Variants in PPFIA4 observed in about 807,000 individuals in gnomAD.
The protein encoded by PPFIA4 is liprin-alpha-4.
In PPFIA4, 98 loss-of-function variants were observed where a neutral mutation model predicts 145.7. The ratio of observed to expected loss-of-function variants is 0.67; its 90% CI spans 0.57 to 0.80. The LOEUF is 0.80. PPFIA4 is among the 30% of genes least tolerant of loss of function. The pLI, the probability that PPFIA4 is intolerant of heterozygous loss-of-function variation, is 0.00. For synonymous variants in PPFIA4, 628 were observed against 649.6 expected, an observed-to-expected ratio of 0.97 and a Z score of 0.51; for missense variants, 1,457 against 1,632.7, an observed-to-expected ratio of 0.89 and a Z score of 1.85.
At chr1:203,046,478 G>C (rs1660097523) in intron 9 of PPFIA4, 96 bp downstream of exon 9, 1 of 1,412,164 alleles carries the variant, frequency 7.1e-7, no homozygotes, top group African/African-American at 1.4e-5. Flanking sequence ...AGGCGCACTG[G>C]GCCAGGAGCC....
chr1:203,035,350 G>C (rs1022016290), intron 1 of PPFIA4: 4 of 455,788 alleles, frequency 8.8e-6, no homozygotes, highest in African/African-American at 6.0e-5. Flanking sequence ...AGGCCTGTGT[G>C]TGGGGCCAGC....
intron 2 of PPFIA4, among the ~76,000 whole-genome samples, chr1:203,039,909 G>T (rs867261785): frequency 6.6e-6 from 1 of 152,214 alleles, no homozygotes; most frequent in East Asian, 1.9e-4. Flanking sequence ...TAAGTTGCTC[G>T]TGGCCATGCA....
intron 14 of PPFIA4, among the ~76,000 whole-genome samples, 173 bp downstream of exon 14, chr1:203,052,050 C>CCCCG (rs1553257074): frequency 2.9e-5 from 4 of 138,512 alleles, no homozygotes; most frequent in Admixed American, 1.4e-4. Flanking sequence ...GCTGTGCCCC[C>CCCCG]CCCCCCGCTT....
At chr1:203,063,755 C>T in intron 24 of PPFIA4, 73 bp from the exon 25 acceptor site, 6 of 1,512,156 alleles carry the variant, frequency 4.0e-6, no homozygotes, top group Non-Finnish European at 5.5e-6. Flanking sequence ...GTCTCCCGAC[C>T]AGCTATACCA....
chr1:203,045,389 G>T lies in PPFIA4; in HGVS notation c.688G>T (p.Glu230Ter), dbSNP rs780105335. The T allele has an allele frequency of 1.2e-6, 2 of 1,604,742 alleles. No homozygotes were observed. The highest frequency in any genetic ancestry group is 4.5e-5 in the East Asian group (2 of 44,640). ...GGAGGAGGATACGGGCCGGGTAGAG[G>T]AGCTGCAGGAGCTCCTGGAGAAGCA... ...LWKEDTGRVE[E>*]LQELLEKQNF... is the part of the protein sequence containing the mutation. Residue 230 changes from glutamate to a stop codon, truncating the protein, a stop_gained, in exon 7 of 30, where the codon GAG becomes TAG. Coordinates refer to ENST00000295706, the MANE Select transcript of PPFIA4 (RefSeq NM_001304331.2). LOFTEE classifies it high-confidence loss of function.
chr1:203,031,972 C>G (rs767150025), intron 1 of PPFIA4, among the ~76,000 whole-genome samples: 2 of 151,544 alleles, frequency 1.3e-5, no homozygotes, highest in South Asian at 2.1e-4. Flanking sequence ...ATGGTTGGCT[C>G]CTGGTGTTAC....
At position 203,028,640 on chromosome 1, in the gene PPFIA4, G is replaced by GGT. The variant is rs147806649; in HGVS notation, c.-400+2025_-400+2026dup. Among the ~76,000 whole-genome samples, 15 of 151,612 alleles carry GGT rather than the reference G, an allele frequency of 9.9e-5. No individual in the cohort carries two copies. The South Asian group carries it at 1.0e-3, about 11-fold the overall frequency. ...AAGGTGTGGCAATTGAGTGGTATGGGGTGTGTGTGTGTGTGCACACGCGTG... is the reference window on the plus strand; with the variant it reads ...AAGGTGTGGCAATTGAGTGGTATGGGGTGTGTGTGTGTGTGTGCACACGCGTG... On this transcript the variant is annotated intron_variant, in intron 1 of 29. Transcript: ENST00000295706.
intron 24 of PPFIA4, among the ~76,000 whole-genome samples, chr1:203,062,248 C>A (rs375399786): frequency 6.6e-6 from 1 of 151,290 alleles, no homozygotes; most frequent in African/African-American, 2.4e-5. Context: ...GAGGCCGAGG[C>A]GGGCGGATCA....
At chr1:203,061,120 A>G in intron 23 of PPFIA4, 88 bp downstream of exon 23, 1 of 1,250,580 alleles carries the variant, frequency 8.0e-7, no homozygotes. Context: ...GGGCAGTCAG[A>G]GTGGGCTGCC....
chr1:203,045,581 C>T (rs780346025), intron 7 of PPFIA4, 22 bp downstream of exon 7: 1 of 1,543,824 alleles, frequency 6.5e-7, no homozygotes, highest in African/African-American at 1.4e-5. Flanking sequence ...CGCAGGCCTG[C>T]TCTGTGACCT....
chr1:203,056,871 G>T lies in PPFIA4; in HGVS notation c.2328G>T (p.Lys776Asn). ...AGGGCGCCAAGCGCAAGGGCATCAAGTCGTCCATTGGCCGCCTGTTTGGGA... is the reference window on the plus strand; with the variant it reads ...AGGGCGCCAAGCGCAAGGGCATCAATTCGTCCATTGGCCGCCTGTTTGGGA... Reference protein sequence around the residue: ...LHKGAKRKGIKSSIGRLFGKK... With the variant: ...LHKGAKRKGINSSIGRLFGKK... The change falls in exon 19 of 30, where the codon AAG becomes AAT. Residue 776 changes from lysine to asparagine, a missense_variant. Lys to Asn is a moderately conservative substitution (Grantham distance 94). Coordinates refer to ENST00000295706, the MANE Select transcript of PPFIA4 (RefSeq NM_001304331.2). The T allele has an allele frequency of 6.2e-7, 1 of 1,614,100 alleles. No homozygotes were observed. Among genetic ancestry groups the T allele is most frequent in the Non-Finnish European group, 8.5e-7 (1 of 1,179,904 alleles).
Position 203,039,175 on chromosome 1 carries a change from G to A in PPFIA4, c.167G>A (p.Ser56Asn), listed in dbSNP as rs1331086648. 1 of 1,607,450 alleles carries A rather than the reference G, an allele frequency of 6.2e-7. No individual in the cohort carries two copies. Among genetic ancestry groups the A allele is most frequent in the East Asian group, 2.2e-5 (1 of 44,654 alleles). ...CAGGAGACCTTGGCGGCCACACAGA[G>A]CCGGCTCCAGGATGCCATACACGAG... ...ESQETLAATQ[S>N]RLQDAIHERD... is the part of the protein sequence containing the mutation. Residue 56 changes from serine to asparagine, a missense_variant, in exon 2 of 30, where the codon AGC becomes AAC. Around this residue, in one of 3 missense-constraint regions of PPFIA4, gnomAD observed 463 missense variants for 459.8 expected, o/e 1.01. Coordinates refer to ENST00000295706, the MANE Select transcript of PPFIA4 (RefSeq NM_001304331.2).
rs1240385523 is a variant in PPFIA4 at position 203,038,888 on chromosome 1, A to G, written c.-121A>G. The G allele has an allele frequency of 3.2e-6, 2 of 617,064 alleles. No individual in the cohort carries two copies. Among genetic ancestry groups the G allele is most frequent in the Non-Finnish European group, 5.8e-6 (2 of 346,182 alleles). The allele number at this position is 617,064 out of a possible 1,614,324, so 38.2% of individuals were successfully genotyped here. A position where few individuals can be genotyped will look rare whatever the true frequency, so the allele number is the denominator to read the frequency against. ...GATGCTATGGGAGAAGCCCCTGCCC[A>G]CCTGTCCACTCGCCTGGCACTGCCC... On this transcript the variant is annotated 5_prime_UTR_variant, in exon 2 of 30. Transcript: ENST00000295706.
In PPFIA4 at chr1:203,038,762, C is replaced by A. The variant is rs930635735; in HGVS notation, c.-247C>A. The A allele has an allele frequency of 2.8e-5, 10 of 358,912 alleles. No homozygotes were observed. Among genetic ancestry groups the A allele is most frequent in the Non-Finnish European group, 5.1e-5 (10 of 197,700 alleles). The allele number at this position is 358,912 out of a possible 1,614,324, so 22.2% of individuals were successfully genotyped here. A position where few individuals can be genotyped will look rare whatever the true frequency, so the allele number is the denominator to read the frequency against. ...GCTGCTGTCTGCATGTCTGGGGACA[C>A]AGGGCACCCAGCCCCAGCCCTGAGA... is the stretch of plus-strand genomic sequence containing the variant. On this transcript the variant is annotated 5_prime_UTR_variant, in exon 2 of 30. Transcript: ENST00000295706.
intron 1 of PPFIA4, among the ~76,000 whole-genome samples, chr1:203,037,876 A>C (rs1659406821): frequency 6.6e-6 from 1 of 152,188 alleles, no homozygotes; most frequent in South Asian, 2.1e-4. Context: ...GCTCTGATGC[A>C]AAGGTAGGAG....
chr1:203,041,970 A>G (rs1330318177), intron 2 of PPFIA4, among the ~76,000 whole-genome samples: 1 of 152,200 alleles, frequency 6.6e-6, no homozygotes, highest in Non-Finnish European at 1.5e-5. Flanking sequence ...TAATAATGTC[A>G]GAGGTTCATG....
intron 1 of PPFIA4, chr1:203,035,132 C>A (rs1399230312): frequency 2.8e-6 from 1 of 359,462 alleles, no homozygotes; most frequent in African/African-American, 2.1e-5. Context: ...TTCAGATCCT[C>A]CTCTCACCTC....
Position 203,075,715 on chromosome 1 carries a change from C to A in PPFIA4, c.3532C>A (p.Leu1178Met). The change falls in exon 29 of 30, where the codon CTG becomes ATG. Residue 1178 changes from leucine to methionine, a missense_variant. Coordinates refer to ENST00000295706, the MANE Select transcript of PPFIA4 (RefSeq NM_001304331.2). The surrounding 1 kb of genome is among the most constrained non-coding windows in gnomAD (Gnocchi z 4.1). ...CTTCCGTGTGTCCACCCTGGGGACC[C>A]TGCAGCCCCCACCGGCCCCGCCAAA... ...AGFRVSTLGT[L>M]QPPPAPPKKI... 1.4e-6 allele frequency: 2 copies of A among 1,411,026 alleles called. No homozygotes were observed. Among genetic ancestry groups the A allele is most frequent in the South Asian group, 1.6e-5 (1 of 63,780 alleles). 87.4% of individuals were successfully genotyped at this position (1,411,026 alleles called of 1,614,324 possible). A position where few individuals can be genotyped will look rare whatever the true frequency, so the allele number is the denominator to read the frequency against.
Position 203,075,681 on chromosome 1 carries a change from C to A in PPFIA4, c.3498C>A (p.Leu1166=). 1 of 1,495,860 alleles carries A rather than the reference C, an allele frequency of 6.7e-7. No homozygotes were observed. Among genetic ancestry groups the A allele is most frequent in the Non-Finnish European group, 8.9e-7 (1 of 1,120,822 alleles). The allele number at this position is 1,495,860 out of a possible 1,614,324, so 92.7% of individuals were successfully genotyped here. Residue 1166 remains leucine, a synonymous_variant, in exon 29 of 30, where the codon CTC becomes CTA. Transcript: ENST00000295706. This position sits in a 1 kb window ranked among gnomAD's most constrained non-coding sequence, Gnocchi z 4.1. ...TGCTCAGCGCTTCCGCGGAGACCCTCCCGGCGGGCTTCCGTGTGTCCACCC... is the reference window on the plus strand; with the variant it reads ...TGCTCAGCGCTTCCGCGGAGACCCTACCGGCGGGCTTCCGTGTGTCCACCC... The part of the protein sequence containing the change: ...GGMLSASAET[L]PAGFRVSTLG...
Sources: gnomAD v4.1 joint callset for allele counts (sites outside exome capture counted in the v4.1 genomes callset) on GRCh38, gnomAD v4.1.1 for gene constraint, gnomAD v4.1.1 regional missense constraint, Gnocchi (gnomAD v3.1) non-coding constraint, MANE v1.5 for transcripts, NCBI Gene and HGNC (gene_info 2026-07-23, HGNC 2026-07-21) for gene names.